Variants in SHROOM3 observed in about 807,000 individuals in gnomAD.
SHROOM3 encodes shroom family member 3.
Under a neutral mutation model 138.6 loss-of-function variants are expected in SHROOM3, and 47 were observed. That is an observed-to-expected ratio of 0.34 (90% CI 0.27 to 0.43). The LOEUF is 0.43. Among genes scored for constraint, SHROOM3 ranks in the 20% least tolerant of loss-of-function variants. The pLI is 1.00. For synonymous variants in SHROOM3, 1,062 were observed against 1,063.3 expected (o/e 1.00, Z 0.02); for missense variants, 2,491 against 2,596.5 (o/e 0.96, Z 0.88).
intron 2 of SHROOM3, among the ~76,000 whole-genome samples, chr4:76,622,642 A>G (rs1226917269): frequency 6.6e-6 from 1 of 152,086 alleles, no homozygotes; most frequent in Non-Finnish European, 1.5e-5. Context: ...GGAATTTGGA[A>G]GGCATATTTT....
chr4:76,499,780 G>T (rs1195636286), intron 1 of SHROOM3, among the ~76,000 whole-genome samples: 1 of 152,124 alleles, frequency 6.6e-6, no homozygotes, highest in Non-Finnish European at 1.5e-5. Context: ...TTTTAGAAGG[G>T]TCTAGAAAAA....
chr4:76,679,958 GC>G (rs1349176489), intron 2 of SHROOM3, among the ~76,000 whole-genome samples: 5 of 152,118 alleles, frequency 3.3e-5, no homozygotes, highest in Non-Finnish European at 5.9e-5. Context: ...CACATACCAA[GC>G]ACACTTCACT....
At chr4:76,688,961 CTTTTT>C (rs71212442) in intron 2 of SHROOM3, 92 of 832,076 alleles carry the variant, frequency 1.1e-4, no homozygotes, top group South Asian at 2.8e-4. Flanking sequence ...GTAATGCGAG[CTTTTT>C]TTTTTTTTTT....
chr4:76,729,893 C>A (rs1417325228), intron 3 of SHROOM3, among the ~76,000 whole-genome samples: 1 of 152,178 alleles, frequency 6.6e-6, no homozygotes, highest in Non-Finnish European at 1.5e-5. Context: ...GAATAATTTA[C>A]AGCTATTATT....
At chr4:76,541,821 A>G (rs1482999034) in intron 1 of SHROOM3, among the ~76,000 whole-genome samples, 1 of 152,116 alleles carries the variant, frequency 6.6e-6, no homozygotes, top group Non-Finnish European at 1.5e-5. Context: ...CAGGAACACA[A>G]AAGACTCAAT....
rs181100252 is a variant in SHROOM3 at position 76,633,552 on chromosome 4, G to A, written c.324-76604G>A. The stretch of plus-strand genomic sequence containing the variant: ...GCGCCTGTAAGTCCCAGCTATGCGG[G>A]AGGCTGAGGCAGCAGAATGGCGTGA... On this transcript the variant is annotated intron_variant, in intron 2 of 10. Coordinates refer to ENST00000296043, the MANE Select transcript of SHROOM3 (RefSeq NM_020859.4). Among the ~76,000 whole-genome samples, 439 of 150,806 alleles carry A rather than the reference G, an allele frequency of 2.9e-3. 1 individual carries two copies. Among genetic ancestry groups the A allele is most frequent in the African/African-American group, 9.7e-3 (398 of 41,194 alleles).
At chr4:76,602,736 AGAGTT>A (rs1206162572) in intron 2 of SHROOM3, among the ~76,000 whole-genome samples, 4 of 152,180 alleles carry the variant, frequency 2.6e-5, no homozygotes, top group Non-Finnish European at 5.9e-5. Flanking sequence ...ATACGACAGA[AGAGTT>A]AGGAAGGTGG....
chr4:76,610,552 C>A (rs1286858167), intron 2 of SHROOM3, among the ~76,000 whole-genome samples: 5 of 152,174 alleles, frequency 3.3e-5, no homozygotes. Flanking sequence ...CTTCCGCTGT[C>A]CACTTTTATA....
chr4:76,463,065 A>G, intron 1 of SHROOM3, among the ~76,000 whole-genome samples: 1 of 152,246 alleles, frequency 6.6e-6, no homozygotes, highest in East Asian at 1.9e-4. Flanking sequence ...TTTAGGGCTC[A>G]AAAGATAGTA....
At chr4:76,490,552 G>A (rs1731828267) in intron 1 of SHROOM3, among the ~76,000 whole-genome samples, 1 of 152,088 alleles carries the variant, frequency 6.6e-6, no homozygotes, top group African/African-American at 2.4e-5. Context: ...ACCGCACCCG[G>A]CTGCTTCTGG....
chr4:76,688,022 G>C (rs1719391170), intron 2 of SHROOM3, among the ~76,000 whole-genome samples: 1 of 152,186 alleles, frequency 6.6e-6, no homozygotes, highest in South Asian at 2.1e-4. Context: ...GTTATAAACT[G>C]CAAGGGCTGA....
At chr4:76,521,242 G>T (rs1350881143) in intron 1 of SHROOM3, among the ~76,000 whole-genome samples, 2 of 151,970 alleles carry the variant, frequency 1.3e-5, no homozygotes, top group African/African-American at 4.8e-5. Flanking sequence ...AGCTAATAAG[G>T]CCTGGGGTTT....
At chr4:76,484,276 A>T (rs141390519) in intron 1 of SHROOM3, among the ~76,000 whole-genome samples, 2,533 of 152,232 alleles carry the variant, frequency 0.017, 34 homozygotes, top group Middle Eastern at 0.034. Context: ...AAAGCAAATT[A>T]AAAAATAGGT....
At chr4:76,516,096 G>A (rs905631983) in intron 1 of SHROOM3, among the ~76,000 whole-genome samples, 1 of 152,188 alleles carries the variant, frequency 6.6e-6, no homozygotes, top group African/African-American at 2.4e-5. Flanking sequence ...GACCGAGAGG[G>A]AAAGTGGGTT....
chr4:76,524,663 C>T (rs1732652891), intron 1 of SHROOM3, among the ~76,000 whole-genome samples: 1 of 152,164 alleles, frequency 6.6e-6, no homozygotes, highest in Non-Finnish European at 1.5e-5. Flanking sequence ...TAGATTTGTG[C>T]CCAGGATTCC....
At chr4:76,755,822 A>G (rs183050548) in intron 7 of SHROOM3, among the ~76,000 whole-genome samples, 1 of 152,340 alleles carries the variant, frequency 6.6e-6, no homozygotes, top group African/African-American at 2.4e-5. Context: ...GTTTAGGGAA[A>G]ACCTCTTGGA....
At chr4:76,715,067 G>GA (rs1376138544) in intron 3 of SHROOM3, among the ~76,000 whole-genome samples, 3 of 152,168 alleles carry the variant, frequency 2.0e-5, no homozygotes, top group Non-Finnish European at 4.4e-5. Flanking sequence ...GTGGGAGGTT[G>GA]ATGGTGGGTA....
At chr4:76,752,090 G>A (rs143656328) in intron 6 of SHROOM3, among the ~76,000 whole-genome samples, 26 of 152,274 alleles carry the variant, frequency 1.7e-4, no homozygotes, top group African/African-American at 2.4e-4. Flanking sequence ...ACAGATGATT[G>A]GATAAACAAA....
intron 2 of SHROOM3, among the ~76,000 whole-genome samples, chr4:76,669,591 CA>C (rs1227374184): frequency 1.4e-5 from 2 of 145,792 alleles, no homozygotes; most frequent in African/African-American, 2.6e-5. Context: ...TGCTACAGAG[CA>C]AAACTCTGTC....
Sources: allele counts gnomAD v4.1 joint callset (sites outside exome capture counted in the v4.1 genomes callset), GRCh38; gene constraint gnomAD v4.1.1; transcripts MANE v1.5; gene names NCBI Gene and HGNC (gene_info 2026-07-23, HGNC 2026-07-21).